Variants in SOX6 observed in about 807,000 individuals in gnomAD.
SOX6 encodes transcription factor SOX-6.
In SOX6, 11 loss-of-function variants were observed where a neutral mutation model predicts 97.8. The ratio of observed to expected loss-of-function variants is 0.11; its 90% CI spans 0.07 to 0.19. The LOEUF (loss-of-function observed/expected upper bound fraction) is 0.19, where lower values mean the gene tolerates loss of function less well. Ranked by LOEUF, SOX6 falls within the 10% of genes least tolerant of loss-of-function variation. The pLI, the probability that SOX6 is intolerant of heterozygous loss-of-function variation, is 1.00. For missense variants in SOX6, 810 were observed against 1,039.5 expected (o/e 0.78, Z 3.04); for synonymous variants, 360 against 371.4 (o/e 0.97, Z 0.35).
intron 9 of SOX6, among the ~76,000 whole-genome samples, chr11:16,057,190 G>C (rs1847836448): frequency 6.6e-6 from 1 of 152,064 alleles, no homozygotes; most frequent in South Asian, 2.1e-4. Flanking sequence ...GAAAATGAAA[G>C]TTTCACTTTC....
chr11:16,090,000 C>T (rs925800014), intron 9 of SOX6, among the ~76,000 whole-genome samples: 1 of 152,064 alleles, frequency 6.6e-6, no homozygotes, highest in Non-Finnish European at 1.5e-5. Context: ...ACAACATATA[C>T]ATACATGCAG....
intron 2 of SOX6, among the ~76,000 whole-genome samples, chr11:16,321,098 G>A (rs1004746670): frequency 6.6e-6 from 1 of 152,102 alleles, no homozygotes; most frequent in Non-Finnish European, 1.5e-5. Context: ...TTCTCCACTT[G>A]TGTGAATGAA....
intron 4 of SOX6, among the ~76,000 whole-genome samples, chr11:16,526,684 T>C (rs954812380): frequency 6.6e-6 from 1 of 152,074 alleles, no homozygotes; most frequent in Non-Finnish European, 1.5e-5. Flanking sequence ...CCAAATTTCA[T>C]AATGTGATAC....
intron 3 of SOX6, among the ~76,000 whole-genome samples, chr11:16,699,768 C>T (rs1279530768): frequency 6.6e-6 from 1 of 152,144 alleles, no homozygotes; most frequent in East Asian, 1.9e-4. Flanking sequence ...TTATGAGATC[C>T]TGCTTTAACT....
intron 9 of SOX6, among the ~76,000 whole-genome samples, chr11:16,061,398 T>C (rs1405554387): frequency 6.6e-6 from 1 of 150,592 alleles, no homozygotes; most frequent in Non-Finnish European, 1.5e-5. Context: ...GTAGATGACA[T>C]AAACAAATGG....
At chr11:16,523,866 C>T (rs1176948835) in intron 4 of SOX6, among the ~76,000 whole-genome samples, 6 of 152,212 alleles carry the variant, frequency 3.9e-5, no homozygotes, top group East Asian at 1.9e-4. Context: ...TCTACGCAAA[C>T]AAACTAGAAA....
rs1222898676 is a variant in SOX6, at chr11:16,381,797, AACATACACAC to A, written c.-4-40555_-4-40546del. Among the ~76,000 whole-genome samples the A allele has an allele frequency of 5.9e-5, 9 of 151,884 alleles. No homozygotes were observed. The East Asian group carries it at 1.5e-3, about 26-fold the overall frequency. ...TTCCCCCACTCCCTCCCAAAACCCA[AACATACACAC>A]ACATACACACACAGGCAGAGGCACA... On this transcript the variant is annotated intron_variant, in intron 1 of 15. Transcript: ENST00000396356.
intron 6 of SOX6, among the ~76,000 whole-genome samples, chr11:16,169,888 T>C (rs1233115243): frequency 1.3e-5 from 2 of 149,830 alleles, no homozygotes; most frequent in Admixed American, 6.7e-5. Context: ...TCACAAAAAA[T>C]TAAAATACAC....
At chr11:16,173,590 T>G (rs1258943363) in intron 6 of SOX6, among the ~76,000 whole-genome samples, 3 of 142,028 alleles carry the variant, frequency 2.1e-5, no homozygotes, top group African/African-American at 7.9e-5. Flanking sequence ...TTTTTTTTTT[T>G]TAAACTACTA....
rs748419584 is a variant in SOX6, at chr11:16,027,477, CTTTA to C, written c.1624-12431_1624-12428del. Reference sequence around the variant, plus strand: ...TTTTACTGATACCTAATATTTTTTACTTTATTTATCAAACACGGGACAAGAGCCT... The same window carrying C: ...TTTTACTGATACCTAATATTTTTTACTTTATCAAACACGGGACAAGAGCCT... On this transcript the variant is annotated intron_variant, in intron 12 of 15. Transcript: ENST00000683767. Among the ~76,000 whole-genome samples the C allele has an allele frequency of 1.9e-3, 285 of 152,228 alleles. 1 individual carries two copies. Among genetic ancestry groups the C allele is most frequent in the Non-Finnish European group, 1.4e-3 (98 of 68,004 alleles).
At chr11:16,531,276 C>G (rs1229242012) in intron 4 of SOX6, among the ~76,000 whole-genome samples, 1 of 151,446 alleles carries the variant, frequency 6.6e-6, no homozygotes, top group Non-Finnish European at 1.5e-5. Flanking sequence ...TGCCCCTACA[C>G]AACCCCTCCT....
intron 3 of SOX6, among the ~76,000 whole-genome samples, chr11:16,615,394 C>T (rs1197910858): frequency 1.3e-5 from 2 of 152,160 alleles, no homozygotes; most frequent in Admixed American, 6.5e-5. Flanking sequence ...AAAATATACA[C>T]ATGAAGTTTA....
intron 3 of SOX6, among the ~76,000 whole-genome samples, chr11:16,678,537 A>G (rs953862116): frequency 2.0e-5 from 3 of 152,178 alleles, no homozygotes; most frequent in Non-Finnish European, 2.9e-5. Context: ...CAAGATCAAC[A>G]CAGAAGATGG....
intron 3 of SOX6, among the ~76,000 whole-genome samples, chr11:16,684,275 T>A (rs1293049616): frequency 1.3e-5 from 2 of 152,176 alleles, no homozygotes; most frequent in East Asian, 3.8e-4. Context: ...TAAAGACACA[T>A]GCACAAGTAT....
intron 3 of SOX6, among the ~76,000 whole-genome samples, chr11:16,698,584 G>T (rs1450113770): frequency 6.6e-6 from 1 of 152,204 alleles, no homozygotes; most frequent in Admixed American, 6.5e-5. Flanking sequence ...GCTAACTGGT[G>T]TAAGAGGCCT....
chr11:16,191,479 A>G (rs971410110), intron 4 of SOX6, among the ~76,000 whole-genome samples: 6 of 152,120 alleles, frequency 3.9e-5, no homozygotes, highest in African/African-American at 1.4e-4. Context: ...AAGAAAAATC[A>G]TGTCCTAAAT....
intron 6 of SOX6, among the ~76,000 whole-genome samples, chr11:16,141,260 C>T (rs1056342806): frequency 1.1e-4 from 16 of 152,146 alleles, no homozygotes; most frequent in East Asian, 1.9e-4. Flanking sequence ...TATTTCCAAG[C>T]GAAGAATGGA....
intron 6 of SOX6, among the ~76,000 whole-genome samples, chr11:16,128,328 T>C (rs1849657174): frequency 6.6e-6 from 1 of 152,236 alleles, no homozygotes; most frequent in Admixed American, 6.5e-5. Context: ...CTACAGTAAG[T>C]TCTTTGCCAT....
chr11:16,571,637 G>A (rs1847939513), intron 4 of SOX6, among the ~76,000 whole-genome samples: 1 of 151,292 alleles, frequency 6.6e-6, no homozygotes, highest in Non-Finnish European at 1.5e-5. Flanking sequence ...TGTTTGTTTG[G>A]GGGGTTTTGT....
Sources: gnomAD v4.1 joint callset for allele counts (sites outside exome capture counted in the v4.1 genomes callset) on GRCh38, gnomAD v4.1.1 for gene constraint, MANE v1.5 for transcripts, NCBI Gene and HGNC (gene_info 2026-07-23, HGNC 2026-07-21) for gene names.